The following MACROD2 variants were observed in gnomAD, a reference collection of about 807,000 sequenced individuals.
MACROD2 encodes the protein ADP-ribose glycohydrolase MACROD2.
Under a neutral mutation model 70.4 loss-of-function variants are expected in MACROD2, and 36 were observed. That is an observed-to-expected ratio of 0.51 (90% CI 0.39 to 0.68). The LOEUF (loss-of-function observed/expected upper bound fraction) is 0.68. MACROD2 is among the 30% of genes least tolerant of loss of function. The pLI, the probability that MACROD2 is intolerant of heterozygous loss-of-function variation, is 0.00. For synonymous variants in MACROD2, 172 were observed against 178.8 expected, an observed-to-expected ratio of 0.96 and a Z score of 0.30; for missense variants, 496 against 538.4, an observed-to-expected ratio of 0.92 and a Z score of 0.78.
chr20:15,708,898 T>C (rs188757316), intron 8 of MACROD2, among the ~76,000 whole-genome samples: 2,086 of 152,096 alleles, frequency 0.014, 32 homozygotes, highest in Non-Finnish European at 0.015. Flanking sequence ...TGGTAGCACA[T>C]ACTTGTAGTC....
intron 3 of MACROD2, among the ~76,000 whole-genome samples, chr20:14,169,717 T>G (rs1459015588): frequency 6.6e-6 from 1 of 152,184 alleles, no homozygotes; most frequent in Non-Finnish European, 1.5e-5. Flanking sequence ...TCCCATCCTT[T>G]ATAATATTTT....
At chr20:14,834,743 T>G (rs1473163129) in intron 5 of MACROD2, among the ~76,000 whole-genome samples, 2 of 152,060 alleles carry the variant, frequency 1.3e-5, no homozygotes, top group African/African-American at 4.8e-5. Flanking sequence ...TTAGCCATTG[T>G]TAGATTTCAG....
At chr20:14,475,879 C>A (rs1426334328) in intron 3 of MACROD2, among the ~76,000 whole-genome samples, 2 of 151,880 alleles carry the variant, frequency 1.3e-5, no homozygotes, top group Non-Finnish European at 2.9e-5. Flanking sequence ...CTTTCAGAGT[C>A]TTGGGGTAGT....
chr20:14,115,499 G>T (rs973088733), intron 3 of MACROD2, among the ~76,000 whole-genome samples: 1 of 152,186 alleles, frequency 6.6e-6, no homozygotes, highest in Non-Finnish European at 1.5e-5. Flanking sequence ...GAAGAAGACA[G>T]TGAGAAATCT....
chr20:14,900,287 T>C (rs1470036005), intron 5 of MACROD2, among the ~76,000 whole-genome samples: 1 of 152,106 alleles, frequency 6.6e-6, no homozygotes, highest in Admixed American at 6.5e-5. Flanking sequence ...CTTCTGAAAT[T>C]TTTGTCTAGT....
At position 15,965,420 on chromosome 20, in the gene MACROD2, C is replaced by T. The variant is rs568926375; in HGVS notation, c.908-2133C>T. ...TCGATGTAAATCACCATTGAGGAGA[C>T]GTTTCTTATGTAATATTTGGGCAGA... On this transcript the variant is annotated intron_variant, in intron 12 of 17. Coordinates refer to ENST00000684519, the MANE Select transcript of MACROD2 (RefSeq NM_001351661.2). Among the ~76,000 whole-genome samples the T allele has an allele frequency of 6.6e-5, 10 of 152,050 alleles. No individual in the cohort carries two copies. In the East Asian group the frequency reaches 1.2e-3, roughly 18 times the overall value.
intron 3 of MACROD2, among the ~76,000 whole-genome samples, chr20:14,212,676 G>A (rs1007017429): frequency 4.6e-5 from 7 of 151,774 alleles, no homozygotes; most frequent in Non-Finnish European, 8.8e-5. Context: ...GTCACTGTGA[G>A]CTTGATTTCT....
At chr20:14,583,024 G>T (rs771823243) in intron 4 of MACROD2, among the ~76,000 whole-genome samples, 1 of 151,856 alleles carries the variant, frequency 6.6e-6, no homozygotes, top group African/African-American at 2.4e-5. Context: ...CATGGATGAT[G>T]CAACTCTCTT....
intron 3 of MACROD2, among the ~76,000 whole-genome samples, chr20:14,413,704 A>G (rs994660138): frequency 7.2e-5 from 11 of 152,332 alleles, no homozygotes; most frequent in African/African-American, 2.4e-4. Context: ...TGAGAAATCA[A>G]TATGGTGTAG....
At chr20:15,116,271 C>T (rs897080257) in intron 5 of MACROD2, among the ~76,000 whole-genome samples, 7 of 152,194 alleles carry the variant, frequency 4.6e-5, no homozygotes, top group African/African-American at 1.7e-4. Flanking sequence ...ACCAATCCCT[C>T]CTGTTCCTCC....
At chr20:14,689,609 T>A (rs990957119) in intron 5 of MACROD2, among the ~76,000 whole-genome samples, 38 of 152,248 alleles carry the variant, frequency 2.5e-4, no homozygotes, top group Non-Finnish European at 4.9e-4. Context: ...ATGCATGGGG[T>A]CTGTATCTGA....
intron 5 of MACROD2, among the ~76,000 whole-genome samples, chr20:14,888,944 G>C (rs1345361259): frequency 1.3e-5 from 2 of 151,934 alleles, no homozygotes; most frequent in African/African-American, 4.8e-5. Flanking sequence ...CATGAATTTT[G>C]GGAGAAAAGC....
intron 6 of MACROD2, among the ~76,000 whole-genome samples, chr20:15,363,333 G>C (rs1213735374): frequency 6.6e-6 from 1 of 152,190 alleles, no homozygotes; most frequent in Non-Finnish European, 1.5e-5. Flanking sequence ...CAAGAGTAGA[G>C]TAAAAGCAAG....
chr20:15,719,901 T>A (rs558316756), intron 8 of MACROD2, among the ~76,000 whole-genome samples: 2 of 152,300 alleles, frequency 1.3e-5, no homozygotes, highest in Admixed American at 6.5e-5. Context: ...ACTTACTCTT[T>A]TTTTCTAATT....
Position 14,486,513 on chromosome 20 carries a change from C to CTTTTTTTTTTTTTTTTTTTTTTT in MACROD2, c.272-6961_272-6960insTTTTTTTTTTTTTTTTTTTTTTT, listed in dbSNP as rs71335969. Among the ~76,000 whole-genome samples, 10 of 97,064 alleles carry CTTTTTTTTTTTTTTTTTTTTTTT rather than the reference C, an allele frequency of 1.0e-4. 5 individuals are homozygous for CTTTTTTTTTTTTTTTTTTTTTTT. The highest frequency in any genetic ancestry group is 1.6e-4 in the African/African-American group (4 of 25,060). The allele number at this position is 97,064 out of a possible 152,430, so 63.7% of individuals were successfully genotyped here. A position where few individuals can be genotyped will look rare whatever the true frequency, so the allele number is the denominator to read the frequency against. ...GAGCTATCTGGCATAAAATAGCCAA[C>CTTTTTTTTTTTTTTTTTTTTTTT]TTTTTATTTTATTTTTTTTTTTTGA... On this transcript the variant is annotated intron_variant, in intron 3 of 17. Transcript: ENST00000684519.
At chr20:15,068,936 G>T (rs1183255540) in intron 5 of MACROD2, among the ~76,000 whole-genome samples, 1 of 152,128 alleles carries the variant, frequency 6.6e-6, no homozygotes. Context: ...AGGAAGACAA[G>T]GGAAAGTTTG....
At chr20:15,534,077 G>A (rs1296767518) in intron 8 of MACROD2, among the ~76,000 whole-genome samples, 1 of 152,118 alleles carries the variant, frequency 6.6e-6, no homozygotes, top group African/African-American at 2.4e-5. Flanking sequence ...AGAATAATGG[G>A]TAGGATTCAA....
intron 5 of MACROD2, among the ~76,000 whole-genome samples, chr20:14,964,434 G>A (rs190410643): frequency 2.6e-5 from 4 of 152,054 alleles, no homozygotes; most frequent in African/African-American, 7.2e-5. Flanking sequence ...TTAGCCGGGC[G>A]TGGTGGCGGG....
At chr20:14,598,707 T>A (rs1216129946) in intron 4 of MACROD2, among the ~76,000 whole-genome samples, 1 of 152,212 alleles carries the variant, frequency 6.6e-6, no homozygotes, top group East Asian at 1.9e-4. Context: ...CCTAAGTGTA[T>A]ACAAGAAATG....
Sources: gnomAD v4.1 joint callset for allele counts (sites outside exome capture counted in the v4.1 genomes callset) on GRCh38, gnomAD v4.1.1 for gene constraint, MANE v1.5 for transcripts, NCBI Gene and HGNC (gene_info 2026-07-23, HGNC 2026-07-21) for gene names.